Variants in TIAM1 observed in about 807,000 individuals in gnomAD.
TIAM1 encodes TIAM Rac1 associated GEF 1.
A neutral mutation model predicts 163.5 loss-of-function variants in TIAM1; 65 were observed. The observed-to-expected ratio is 0.40, with a 90% CI of 0.33 to 0.49. The LOEUF is 0.49. Among genes scored for constraint, TIAM1 ranks in the 20% least tolerant of loss-of-function variants. The pLI is 0.77. For synonymous variants in TIAM1, 833 were observed against 810.1 expected (o/e 1.03, Z -0.48); for missense variants, 1,789 against 2,044.7 (o/e 0.87, Z 2.41).
chr21:31,432,896 T>C (rs553184990), intron 2 of TIAM1, among the ~76,000 whole-genome samples: 1 of 152,254 alleles, frequency 6.6e-6, no homozygotes, highest in South Asian at 2.1e-4. Context: ...TGATCAGAAT[T>C]ACATGTCGGA....
chr21:31,419,764 T>A (rs1488724111), intron 2 of TIAM1, among the ~76,000 whole-genome samples: 1 of 152,054 alleles, frequency 6.6e-6, no homozygotes. Flanking sequence ...CTACATAACA[T>A]CCTAGACTGA....
At chr21:31,515,938 T>C (rs1301589764) in intron 1 of TIAM1, among the ~76,000 whole-genome samples, 1 of 149,612 alleles carries the variant, frequency 6.7e-6, no homozygotes, top group Non-Finnish European at 1.5e-5. Flanking sequence ...CAAAACCCCA[T>C]CTGTACTAAA....
intron 2 of TIAM1, among the ~76,000 whole-genome samples, chr21:31,284,833 C>T (rs1179788810): frequency 2.0e-5 from 3 of 152,064 alleles, no homozygotes; most frequent in Non-Finnish European, 4.4e-5. Context: ...GCCTGAAGTT[C>T]AGCCTTGAGC....
intron 3 of TIAM1, among the ~76,000 whole-genome samples, chr21:31,268,679 T>G (rs1195698791): frequency 5.9e-5 from 9 of 152,196 alleles, no homozygotes; most frequent in Non-Finnish European, 2.9e-5. Flanking sequence ...AGCAATATGT[T>G]CACGCTTCTC....
At chr21:31,438,827 A>G (rs2044315316) in intron 2 of TIAM1, among the ~76,000 whole-genome samples, 1 of 152,202 alleles carries the variant, frequency 6.6e-6, no homozygotes, top group Non-Finnish European at 1.5e-5. Context: ...GCCTCCATCC[A>G]CTGGGATGCC....
At chr21:31,126,645 G>A (rs1285203033) in intron 26 of TIAM1, among the ~76,000 whole-genome samples, 4 of 151,936 alleles carry the variant, frequency 2.6e-5, no homozygotes, top group Non-Finnish European at 4.4e-5. Context: ...TATATTAAAC[G>A]CCATCTGTTG....
chr21:31,372,010 G>A (rs1441989474), intron 2 of TIAM1, among the ~76,000 whole-genome samples: 1 of 152,114 alleles, frequency 6.6e-6, no homozygotes, highest in African/African-American at 2.4e-5. Flanking sequence ...TTCAATGGCA[G>A]ACAAGCCAAA....
At chr21:31,262,065 C>T (rs993695985) in intron 4 of TIAM1, among the ~76,000 whole-genome samples, 1 of 152,212 alleles carries the variant, frequency 6.6e-6, no homozygotes, top group African/African-American at 2.4e-5. Flanking sequence ...CTCTCCAACT[C>T]ACCCACTGAA....
intron 16 of TIAM1, among the ~76,000 whole-genome samples, chr21:31,163,631 A>G (rs564651977): frequency 1.3e-5 from 2 of 152,358 alleles, no homozygotes; most frequent in African/African-American, 4.8e-5. Context: ...GTCCTACAGA[A>G]TATACACATA....
At chr21:31,308,377 A>G (rs1198124577) in intron 2 of TIAM1, among the ~76,000 whole-genome samples, 1 of 151,880 alleles carries the variant, frequency 6.6e-6, no homozygotes, top group African/African-American at 2.4e-5. Context: ...CCTTGGGAGG[A>G]GGGTTAAATG....
At position 31,392,692 on chromosome 21, in the gene TIAM1, A is replaced by G. The variant is rs570741717; in HGVS notation, c.-368-53270T>C. Among the ~76,000 whole-genome samples, 10 of 151,570 alleles carry G rather than the reference A, an allele frequency of 6.6e-5. No individual in the cohort carries two copies. The East Asian group carries it at 1.6e-3, about 24-fold the overall frequency. On this transcript the variant is annotated intron_variant, in intron 2 of 28. Transcript: ENST00000286827. ...TCCAATATTGGAGGTGGGGCCAGGT[A>G]GGAGGTGTTCTGGTCAAGGCAAGGG...
At chr21:31,369,038 G>GACCATCCAGGCTA (rs71318266) in intron 2 of TIAM1, among the ~76,000 whole-genome samples, 3 of 151,664 alleles carry the variant, frequency 2.0e-5, no homozygotes, top group African/African-American at 7.3e-5. Flanking sequence ...GGGAGATAGA[G>GACCATCCAGGCTA]ACATGGTGAA....
At chr21:31,465,422 G>A (rs1044315076) in intron 1 of TIAM1, among the ~76,000 whole-genome samples, 2 of 151,884 alleles carry the variant, frequency 1.3e-5, no homozygotes, top group African/African-American at 4.8e-5. Context: ...TAATAAGGGA[G>A]GGAACAGCTT....
rs189588462 is a variant in TIAM1, at chr21:31,179,604, A to C, written c.2887+2817T>G. 2.3e-4 allele frequency among the ~76,000 whole-genome samples: 35 copies of C among 152,008 alleles called. No homozygotes were observed. In the East Asian group the frequency reaches 6.4e-3, roughly 28 times the overall value. ...AAAATTGCAGTTTTAATGTGTTTTAAAATAATGGCAGGGTCCATGGATTTA... is the reference window on the plus strand; with the variant it reads ...AAAATTGCAGTTTTAATGTGTTTTACAATAATGGCAGGGTCCATGGATTTA... On this transcript the variant is annotated intron_variant, in intron 15 of 27. Transcript: ENST00000541036.
At chr21:31,309,682 G>A (rs2074850784) in intron 2 of TIAM1, among the ~76,000 whole-genome samples, 1 of 152,168 alleles carries the variant, frequency 6.6e-6, no homozygotes, top group Non-Finnish European at 1.5e-5. Flanking sequence ...ACAAGCCCTG[G>A]AGAGCTAGGA....
chr21:31,127,285 T>C, intron 25 of TIAM1, 133 bp from the exon 26 acceptor site: 1 of 775,222 alleles, frequency 1.3e-6, no homozygotes, highest in South Asian at 1.8e-5. Flanking sequence ...GATATTTTCC[T>C]ACTATTTCAC....
chr21:31,237,217 G>A (rs939217813), intron 6 of TIAM1, among the ~76,000 whole-genome samples: 1 of 152,162 alleles, frequency 6.6e-6, no homozygotes, highest in East Asian at 1.9e-4. Context: ...GGGTCAAGAT[G>A]CCAAATCCCC....
chr21:31,250,484 A>T (rs2071741635), intron 5 of TIAM1, among the ~76,000 whole-genome samples: 1 of 152,240 alleles, frequency 6.6e-6, no homozygotes. Flanking sequence ...CTGCACCTGC[A>T]CATCACCGCA....
chr21:31,159,392 C>T (rs940010739), intron 16 of TIAM1, among the ~76,000 whole-genome samples: 2 of 152,184 alleles, frequency 1.3e-5, no homozygotes, highest in African/African-American at 2.4e-5. Context: ...AGCCACCCAG[C>T]TGTTTAAGCT....
Sources: allele counts gnomAD v4.1 joint callset (sites outside exome capture counted in the v4.1 genomes callset), GRCh38; gene constraint gnomAD v4.1.1; transcripts MANE v1.5; gene names NCBI Gene and HGNC (gene_info 2026-07-23, HGNC 2026-07-21).